The following TACR1 variants were observed in gnomAD, a reference collection of about 807,000 sequenced individuals.
TACR1 encodes the protein substance-P receptor.
In TACR1, 25 loss-of-function variants were observed where a neutral mutation model predicts 35.8. The ratio of observed to expected loss-of-function variants is 0.70; its 90% CI spans 0.51 to 0.98. The LOEUF (loss-of-function observed/expected upper bound fraction) is 0.98. TACR1 is among the 50% of genes least tolerant of loss of function. The pLI is 0.00. For missense variants in TACR1, 478 were observed against 522.9 expected, an observed-to-expected ratio of 0.91 and a Z score of 0.84; for synonymous variants, 195 against 206.7, an observed-to-expected ratio of 0.94 and a Z score of 0.48.
chr2:75,060,519 A>G (rs1672650267), intron 2 of TACR1, among the ~76,000 whole-genome samples: 1 of 152,152 alleles, frequency 6.6e-6, no homozygotes, highest in Admixed American at 6.5e-5. Context: ...GGCAGGTACT[A>G]AGATGCCATT....
chr2:75,189,950 T>C (rs1045063471), intron 1 of TACR1: 1 of 152,232 alleles, frequency 6.6e-6, no homozygotes, highest in African/African-American at 2.4e-5. Context: ...ATTGATTTGA[T>C]TAAGTTTGAA....
intron 1 of TACR1, among the ~76,000 whole-genome samples, chr2:75,175,492 C>A (rs1387688168): frequency 6.6e-6 from 1 of 152,206 alleles, no homozygotes; most frequent in Non-Finnish European, 1.5e-5. Context: ...GATGTCCTTG[C>A]AGAGACTCTA....
At chr2:75,196,471 T>TTGGAAACATGGTGACATTCCCTGTCGC (rs1675977497) in intron 1 of TACR1, among the ~76,000 whole-genome samples, 2 of 152,182 alleles carry the variant, frequency 1.3e-5, no homozygotes, top group South Asian at 4.1e-4. Flanking sequence ...TATCTGCATG[T>TTGGAAACATGGTGACATTCCCTGTCGC]TGGAAACATG....
At chr2:75,176,706 C>A (rs1440797638) in intron 1 of TACR1, among the ~76,000 whole-genome samples, 1 of 152,120 alleles carries the variant, frequency 6.6e-6, no homozygotes, top group Non-Finnish European at 1.5e-5. Flanking sequence ...CCTGCACCAC[C>A]TGCCTCATCA....
intron 1 of TACR1, among the ~76,000 whole-genome samples, chr2:75,150,351 T>G (rs751074597): frequency 2.2e-4 from 33 of 152,198 alleles, no homozygotes; most frequent in Non-Finnish European, 4.4e-4. Flanking sequence ...AAATCTCAAC[T>G]TGAATTGTAT....
At chr2:75,198,487 C>G (rs1298900668) in intron 1 of TACR1, 59 bp downstream of exon 1, 1 of 1,576,340 alleles carries the variant, frequency 6.3e-7, no homozygotes, top group East Asian at 2.3e-5. Context: ...CCAAACCTCA[C>G]AGCAATGCCG....
chr2:75,110,915 T>G (rs989650337), intron 2 of TACR1, among the ~76,000 whole-genome samples: 1 of 151,968 alleles, frequency 6.6e-6, no homozygotes, highest in East Asian at 1.9e-4. Context: ...TGAAAACAGC[T>G]CCCACCTTCC....
intron 1 of TACR1, among the ~76,000 whole-genome samples, chr2:75,142,967 C>T (rs1377534930): frequency 1.3e-5 from 2 of 152,128 alleles, no homozygotes; most frequent in African/African-American, 4.8e-5. Flanking sequence ...GCTCTGGGTG[C>T]AGGGTGGATG....
chr2:75,085,794 A>G (rs1395485714), intron 2 of TACR1, among the ~76,000 whole-genome samples: 7 of 151,888 alleles, frequency 4.6e-5, no homozygotes, highest in Admixed American at 6.6e-5. Flanking sequence ...CCCTTTTTTC[A>G]TATCTTATTG....
chr2:75,120,859 T>C (rs1447512980), intron 1 of TACR1, 91 bp from the exon 2 acceptor site: 1 of 1,040,294 alleles, frequency 9.6e-7, no homozygotes, highest in African/African-American at 1.6e-5. Flanking sequence ...AGAAAATTCA[T>C]AGAAACCCTT....
At chr2:75,062,920 CAT>C (rs1672697371) in intron 2 of TACR1, among the ~76,000 whole-genome samples, 1 of 152,168 alleles carries the variant, frequency 6.6e-6, no homozygotes, top group Non-Finnish European at 1.5e-5. Context: ...CTGATAAAGA[CAT>C]ACCTGAGACT....
Position 75,114,907 on chromosome 2 carries a change from A to G in TACR1, c.584+5667T>C, listed in dbSNP as rs554324635. On this transcript the variant is annotated intron_variant, in intron 2 of 4. Coordinates refer to ENST00000305249, the MANE Select transcript of TACR1 (RefSeq NM_001058.4). ...TGTTATAATGTTAGCATAATTATCT[A>G]TAACTGTGAATTGTAAACACAGACA... Among the ~76,000 whole-genome samples, 7 of 152,348 alleles carry G rather than the reference A, an allele frequency of 4.6e-5. No homozygotes were observed. The East Asian group carries it at 7.7e-4, about 17-fold the overall frequency.
intron 1 of TACR1, chr2:75,188,398 T>G (rs1675758582): frequency 6.6e-6 from 1 of 152,230 alleles, no homozygotes; most frequent in Non-Finnish European, 1.5e-5. Context: ...TAAAAATTAG[T>G]GTCTCAATTA....
intron 1 of TACR1, among the ~76,000 whole-genome samples, chr2:75,132,166 T>C (rs116233001): frequency 0.013 from 1,961 of 152,304 alleles, 41 homozygotes; most frequent in African/African-American, 0.044. Flanking sequence ...TAATATTCTC[T>C]ATCAAAATAA....
At chr2:75,172,402 T>G (rs962837767) in intron 1 of TACR1, among the ~76,000 whole-genome samples, 7 of 152,180 alleles carry the variant, frequency 4.6e-5, no homozygotes, top group African/African-American at 1.7e-4. Flanking sequence ...GAAAGAATAG[T>G]CACATAATTC....
chr2:75,164,904 A>G (rs1355792866), intron 1 of TACR1, among the ~76,000 whole-genome samples: 1 of 152,238 alleles, frequency 6.6e-6, no homozygotes, highest in Non-Finnish European at 1.5e-5. Flanking sequence ...AGCCATAGAT[A>G]GAGCAAAGTC....
intron 2 of TACR1, among the ~76,000 whole-genome samples, chr2:75,056,231 AG>A (rs946190772): frequency 3.3e-5 from 5 of 152,194 alleles, no homozygotes; most frequent in African/African-American, 1.2e-4. Context: ...CCTGCAGCTC[AG>A]GGAGGGACTG....
At chr2:75,107,560 G>A (rs1215005934) in intron 2 of TACR1, among the ~76,000 whole-genome samples, 1 of 151,648 alleles carries the variant, frequency 6.6e-6, no homozygotes, top group East Asian at 1.9e-4. Flanking sequence ...AAGGAAGGAA[G>A]AAAGGAAGGA....
At chr2:75,130,327 C>T (rs571046512) in intron 1 of TACR1, among the ~76,000 whole-genome samples, 8 of 152,276 alleles carry the variant, frequency 5.3e-5, no homozygotes, top group African/African-American at 1.9e-4. Context: ...TGCCAGGCAC[C>T]TGATGTACCA....
Sources: gnomAD v4.1 joint callset for allele counts (sites outside exome capture counted in the v4.1 genomes callset) on GRCh38, gnomAD v4.1.1 for gene constraint, MANE v1.5 for transcripts, NCBI Gene and HGNC (gene_info 2026-07-23, HGNC 2026-07-21) for gene names.